Variants in FOXN3 observed in about 807,000 individuals in gnomAD.
FOXN3 encodes the protein forkhead box N3, also known as forkhead box protein N3.
A neutral mutation model predicts 38.4 loss-of-function variants in FOXN3; 7 were observed. The ratio of observed to expected loss-of-function variants is 0.18; its 90% CI spans 0.10 to 0.34. The LOEUF is 0.34. FOXN3 is among the 10% of genes least tolerant of loss of function. The pLI, the probability that FOXN3 is intolerant of heterozygous loss-of-function variation, is 1.00. For missense variants in FOXN3, 456 were observed against 613.4 expected, an observed-to-expected ratio of 0.74 and a Z score of 2.71; for synonymous variants, 230 against 242.2, an observed-to-expected ratio of 0.95 and a Z score of 0.47.
chr14:89,266,490 G>C (rs563133281), intron 4 of FOXN3, among the ~76,000 whole-genome samples: 3 of 152,264 alleles, frequency 2.0e-5, no homozygotes, highest in African/African-American at 4.8e-5. Flanking sequence ...AGGCGGCTGG[G>C]GGGGCGGTGG....
intron 1 of FOXN3, among the ~76,000 whole-genome samples, chr14:89,595,750 T>C (rs1045785905): frequency 3.3e-5 from 5 of 152,230 alleles, no homozygotes; most frequent in Admixed American, 2.0e-4. Context: ...TGGTGATAGA[T>C]GGCAGATTTG....
chr14:89,537,276 T>A (rs1894708105), intron 1 of FOXN3, among the ~76,000 whole-genome samples: 1 of 151,810 alleles, frequency 6.6e-6, no homozygotes, highest in African/African-American at 2.4e-5. Flanking sequence ...GATGAATAAG[T>A]GGATGGATGA....
chr14:89,355,123 A>G (rs1310640953), intron 2 of FOXN3: 1 of 151,492 alleles, frequency 6.6e-6, no homozygotes, highest in Non-Finnish European at 1.5e-5. Flanking sequence ...TCAACTCTCT[A>G]TTAAAAATAA....
intron 1 of FOXN3, among the ~76,000 whole-genome samples, chr14:89,466,074 G>A (rs981323541): frequency 1.3e-5 from 2 of 152,196 alleles, no homozygotes; most frequent in Non-Finnish European, 2.9e-5. Context: ...AGGTGGGTAG[G>A]GAGGAGTCAG....
chr14:89,329,653 C>A (rs927236208), intron 3 of FOXN3, among the ~76,000 whole-genome samples: 1 of 151,962 alleles, frequency 6.6e-6, no homozygotes, highest in Non-Finnish European at 1.5e-5. Flanking sequence ...GTCAGGAGTT[C>A]GAGACCATCC....
chr14:89,192,309 T>C (rs1445384687), intron 4 of FOXN3, among the ~76,000 whole-genome samples: 2 of 146,266 alleles, frequency 1.4e-5, no homozygotes, highest in Admixed American at 6.9e-5. Flanking sequence ...ATGCATACTA[T>C]TATATATGAT....
chr14:89,416,820 G>T (rs1210945960), intron 1 of FOXN3, 51 bp downstream of exon 1: 2 of 151,850 alleles, frequency 1.3e-5, no homozygotes, highest in Non-Finnish European at 2.9e-5. Context: ...TCCCGCCCCG[G>T]GTGCCCCCCG....
chr14:89,417,913 G>C (rs910823696), upstream of FOXN3: 1 of 348,722 alleles, frequency 2.9e-6, no homozygotes, highest in African/African-American at 2.1e-5. Context: ...TCTCAAGTGG[G>C]TTGTGCGGAA....
intron 1 of FOXN3, among the ~76,000 whole-genome samples, chr14:89,544,864 C>T (rs755509677): frequency 6.6e-6 from 1 of 152,178 alleles, no homozygotes; most frequent in Non-Finnish European, 1.5e-5. Flanking sequence ...CATCACAATC[C>T]TTAGAGCAAG....
At chr14:89,583,143 G>A (rs1482093094) in intron 1 of FOXN3, among the ~76,000 whole-genome samples, 2 of 152,202 alleles carry the variant, frequency 1.3e-5, no homozygotes, top group African/African-American at 4.8e-5. Context: ...CTCATTGACT[G>A]TAATGAGTAG....
chr14:89,236,241 C>A (rs1289812965), intron 4 of FOXN3, among the ~76,000 whole-genome samples: 1 of 152,200 alleles, frequency 6.6e-6, no homozygotes, highest in African/African-American at 2.4e-5. Flanking sequence ...GCAGGCCGGG[C>A]ACGGTGGCTC....
At chr14:89,333,407 G>A (rs1296541334) in intron 3 of FOXN3, 1 of 146,410 alleles carries the variant, frequency 6.8e-6, no homozygotes, top group Admixed American at 6.9e-5. Context: ...GAGAGAGCGA[G>A]ACTCCGTCTC....
chr14:89,507,961 C>T (rs548503811), intron 1 of FOXN3, among the ~76,000 whole-genome samples: 7 of 152,272 alleles, frequency 4.6e-5, no homozygotes, highest in African/African-American at 1.2e-4. Context: ...AAGTCATTCA[C>T]CCAGAGTCCC....
At chr14:89,384,587 ACAT>A (rs1167113797) in intron 2 of FOXN3, among the ~76,000 whole-genome samples, 8 of 152,194 alleles carry the variant, frequency 5.3e-5, no homozygotes, top group Admixed American at 5.2e-4. Flanking sequence ...TCTTCAACAA[ACAT>A]CAGCCCCACA....
chr14:89,329,223 T>C (rs1888166609), intron 3 of FOXN3, among the ~76,000 whole-genome samples: 1 of 152,194 alleles, frequency 6.6e-6, no homozygotes, highest in South Asian at 2.1e-4. Context: ...ATAGTAGGTG[T>C]TAATTTTTCC....
chr14:89,588,492 G>A lies in FOXN3; in HGVS notation c.-15+30536C>T, dbSNP rs984388163. Reference sequence around the variant, plus strand: ...AACTTAACAACCATCAACACCGCCCGATAGCACCAAGATAAAGGACAATTC... The same window carrying A: ...AACTTAACAACCATCAACACCGCCCAATAGCACCAAGATAAAGGACAATTC... On this transcript the variant is annotated intron_variant, in intron 1 of 6. Coordinates refer to the FOXN3 transcript ENST00000345097. Among the ~76,000 whole-genome samples the A allele has an allele frequency of 3.3e-5, 5 of 152,208 alleles. No individual in the cohort carries two copies. In the South Asian group the frequency reaches 8.3e-4, roughly 25 times the overall value.
At chr14:89,242,693 G>C (rs1788419472) in intron 4 of FOXN3, among the ~76,000 whole-genome samples, 1 of 152,134 alleles carries the variant, frequency 6.6e-6, no homozygotes, top group Non-Finnish European at 1.5e-5. Flanking sequence ...TAATGCTTAA[G>C]TACCGGGAAA....
At chr14:89,406,361 A>G (rs1394091792) in intron 2 of FOXN3, among the ~76,000 whole-genome samples, 2 of 152,084 alleles carry the variant, frequency 1.3e-5, no homozygotes, top group Non-Finnish European at 2.9e-5. Flanking sequence ...TCAAGGTTTC[A>G]GTGAGCTATG....
Position 89,609,513 on chromosome 14 carries a change from T to C in FOXN3, c.-15+9515A>G, listed in dbSNP as rs554399076. Among the ~76,000 whole-genome samples the C allele has an allele frequency of 1.8e-4, 27 of 152,274 alleles. No homozygotes were observed. The South Asian group carries it at 5.4e-3, about 30-fold the overall frequency. On this transcript the variant is annotated intron_variant, in intron 1 of 6. Coordinates refer to the FOXN3 transcript ENST00000345097. The stretch of plus-strand genomic sequence containing the variant: ...TTTGAGTTGCAACCACGTGCCAGGC[T>C]CCGTGCCAAGTGCTTTTCAGGGACT...
Sources: allele counts gnomAD v4.1 joint callset (sites outside exome capture counted in the v4.1 genomes callset), GRCh38; gene constraint gnomAD v4.1.1; transcripts MANE v1.5; gene names NCBI Gene and HGNC (gene_info 2026-07-23, HGNC 2026-07-21).